The following IQCM variants were observed in gnomAD, a reference collection of about 807,000 sequenced individuals.
IQCM encodes the protein IQ domain-containing protein M.
In IQCM, 45 loss-of-function variants were observed where a neutral mutation model predicts 57.6. The ratio of observed to expected loss-of-function variants is 0.78; its 90% CI spans 0.62 to 1.00. The LOEUF (loss-of-function observed/expected upper bound fraction) is 1.00. Ranked by LOEUF, IQCM falls within the 50% of genes least tolerant of loss-of-function variation. The pLI, the probability that IQCM is intolerant of heterozygous loss-of-function variation, is 0.00. For synonymous variants in IQCM, 148 were observed against 158.9 expected (o/e 0.93, Z 0.51); for missense variants, 468 against 511.6 (o/e 0.91, Z 0.82).
chr4:149,409,385 C>T (rs1345864720), intron 13 of IQCM, among the ~76,000 whole-genome samples: 1 of 152,164 alleles, frequency 6.6e-6, no homozygotes. Flanking sequence ...TTTGGCACTC[C>T]CGATGGCTGC....
At chr4:149,709,475 T>C (rs528082055) in intron 5 of IQCM, among the ~76,000 whole-genome samples, 1 of 152,238 alleles carries the variant, frequency 6.6e-6, no homozygotes, top group East Asian at 1.9e-4. Flanking sequence ...CACTAATGTG[T>C]CTGGTATTTT....
chr4:149,387,069 C>T (rs973066853), intron 13 of IQCM, among the ~76,000 whole-genome samples: 1 of 151,994 alleles, frequency 6.6e-6, no homozygotes, highest in African/African-American at 2.4e-5. Flanking sequence ...TAACAACATA[C>T]CATAGATTGT....
At chr4:149,790,079 T>C (rs1772450792) in intron 2 of IQCM, 1 of 629,958 alleles carries the variant, frequency 1.6e-6, no homozygotes, top group East Asian at 3.3e-5. Flanking sequence ...AGGAACTTCA[T>C]CTGCAGCATC....
intron 2 of IQCM, among the ~76,000 whole-genome samples, chr4:149,771,429 T>G (rs564040599): frequency 6.6e-6 from 1 of 152,242 alleles, no homozygotes; most frequent in Non-Finnish European, 1.5e-5. Flanking sequence ...TAAAAAATCC[T>G]CATATTACAA....
At chr4:149,734,138 C>T (rs1475857071) in intron 4 of IQCM, among the ~76,000 whole-genome samples, 3 of 151,980 alleles carry the variant, frequency 2.0e-5, no homozygotes, top group Non-Finnish European at 4.4e-5. Context: ...ACAGAGAGAG[C>T]TATAGTTCTT....
At position 149,558,891 on chromosome 4, in the gene IQCM, C is replaced by G. The variant is rs538876933; in HGVS notation, c.948+4801G>C. 2.0e-5 allele frequency among the ~76,000 whole-genome samples: 3 copies of G among 152,306 alleles called. No individual in the cohort carries two copies. The South Asian group carries it at 6.2e-4, about 32-fold the overall frequency. On this transcript the variant is annotated intron_variant, in intron 10 of 13. Transcript: ENST00000636793. The stretch of plus-strand genomic sequence containing the variant: ...ATACTCAACTGCTTCCCAGACATCT[C>G]AAGGATTTCCCACAAAAGTTTTAAA...
intron 7 of IQCM, among the ~76,000 whole-genome samples, chr4:149,658,464 C>T (rs953178791): frequency 1.3e-5 from 2 of 151,942 alleles, no homozygotes; most frequent in Admixed American, 6.6e-5. Flanking sequence ...ACCTTTTACT[C>T]AAGACTGTCT....
chr4:149,519,075 G>A (rs1745308993), intron 12 of IQCM, among the ~76,000 whole-genome samples: 1 of 152,158 alleles, frequency 6.6e-6, no homozygotes, highest in South Asian at 2.1e-4. Flanking sequence ...CAGTGCAAGT[G>A]ACCATTTTTC....
intron 13 of IQCM, among the ~76,000 whole-genome samples, chr4:149,386,500 C>T (rs1317289916): frequency 6.6e-6 from 1 of 151,952 alleles, no homozygotes; most frequent in Non-Finnish European, 1.5e-5. Flanking sequence ...AAAAGGTATA[C>T]TTTTAAAAAG....
chr4:149,627,500 A>G (rs560405563), intron 7 of IQCM, among the ~76,000 whole-genome samples: 1 of 152,322 alleles, frequency 6.6e-6, no homozygotes, highest in East Asian at 1.9e-4. Flanking sequence ...AAATTACTAA[A>G]CAATTTACAC....
At chr4:149,577,939 C>T (rs1751820990) in intron 9 of IQCM, among the ~76,000 whole-genome samples, 1 of 151,676 alleles carries the variant, frequency 6.6e-6, no homozygotes, top group Non-Finnish European at 1.5e-5. Context: ...GATCTTTCAC[C>T]TCCCTGGTTA....
chr4:149,544,354 C>T (rs1488947743), intron 12 of IQCM, among the ~76,000 whole-genome samples: 2 of 152,000 alleles, frequency 1.3e-5, no homozygotes, highest in Non-Finnish European at 2.9e-5. Context: ...TAAATTTAAC[C>T]CAAGAGGTTA....
intron 8 of IQCM, among the ~76,000 whole-genome samples, chr4:149,594,310 T>C (rs1753538465): frequency 6.6e-6 from 1 of 152,162 alleles, no homozygotes; most frequent in Non-Finnish European, 1.5e-5. Context: ...GATATCTCCT[T>C]TATCATTTTT....
At chr4:149,542,961 C>T (rs188930459) in intron 12 of IQCM, among the ~76,000 whole-genome samples, 20 of 151,984 alleles carry the variant, frequency 1.3e-4, no homozygotes, top group Non-Finnish European at 2.5e-4. Flanking sequence ...GGGAATTAAG[C>T]CCAGGCAAGC....
intron 13 of IQCM, among the ~76,000 whole-genome samples, chr4:149,364,966 T>C (rs1729733632): frequency 6.6e-6 from 1 of 151,964 alleles, no homozygotes; most frequent in Non-Finnish European, 1.5e-5. Context: ...TGGATACAGA[T>C]GGATTATATA....
At chr4:149,424,941 T>C (rs1341569593) in intron 13 of IQCM, among the ~76,000 whole-genome samples, 1 of 151,992 alleles carries the variant, frequency 6.6e-6, no homozygotes, top group Non-Finnish European at 1.5e-5. Flanking sequence ...ATCATCTCCA[T>C]CAAAACAAAG....
chr4:149,423,880 T>C (rs1012784961), intron 13 of IQCM, among the ~76,000 whole-genome samples: 2 of 151,966 alleles, frequency 1.3e-5, no homozygotes, highest in African/African-American at 4.8e-5. Context: ...TTTTATTTAT[T>C]AAATAAAAAA....
At chr4:149,426,915 T>C (rs558294313) in intron 13 of IQCM, among the ~76,000 whole-genome samples, 1 of 152,096 alleles carries the variant, frequency 6.6e-6, no homozygotes, top group African/African-American at 2.4e-5. Context: ...TCTTGGAGAC[T>C]GGCTACCACT....
chr4:149,544,434 T>C (rs536654325), intron 12 of IQCM, among the ~76,000 whole-genome samples: 3 of 152,286 alleles, frequency 2.0e-5, no homozygotes, highest in African/African-American at 7.2e-5. Flanking sequence ...TGAAAAGGTA[T>C]ATTGTGTTCA....
Sources: allele counts gnomAD v4.1 joint callset (sites outside exome capture counted in the v4.1 genomes callset), GRCh38; gene constraint gnomAD v4.1.1; transcripts MANE v1.5; gene names NCBI Gene and HGNC (gene_info 2026-07-23, HGNC 2026-07-21).